The following EYA4 variants were observed in gnomAD, a reference collection of about 807,000 sequenced individuals.
The protein encoded by EYA4 is EYA transcriptional coactivator and phosphatase 4.
EYA4 carries 31 observed loss-of-function variants against 87.9 expected under a neutral mutation model. The observed-to-expected ratio is 0.35, with a 90% CI of 0.27 to 0.48. The LOEUF is 0.48. Among genes scored for constraint, EYA4 ranks in the 20% least tolerant of loss-of-function variants. The pLI, the probability that EYA4 is intolerant of heterozygous loss-of-function variation, is 0.99. For synonymous variants in EYA4, 263 were observed against 270.6 expected, an observed-to-expected ratio of 0.97 and a Z score of 0.28; for missense variants, 678 against 761.4, an observed-to-expected ratio of 0.89 and a Z score of 1.29.
intron 2 of EYA4, among the ~76,000 whole-genome samples, chr6:133,285,707 C>T (rs139471369): frequency 1.9e-3 from 290 of 152,256 alleles, no homozygotes; most frequent in Non-Finnish European, 3.4e-3. Context: ...TTTTAACTAT[C>T]CAGATGAAAA....
intron 2 of EYA4, among the ~76,000 whole-genome samples, chr6:133,355,953 GA>G (rs1562323490): frequency 6.6e-6 from 1 of 151,964 alleles, no homozygotes; most frequent in Non-Finnish European, 1.5e-5. Flanking sequence ...TGGAGATTGG[GA>G]AGCTCAAGAT....
intron 17 of EYA4, 99 bp from the exon 18 acceptor site, chr6:133,522,957 C>A: frequency 1.0e-6 from 1 of 1,004,778 alleles, no homozygotes; most frequent in Non-Finnish European, 1.5e-6. Context: ...TGAAAGGGAC[C>A]ATTAATTAAG....
At chr6:133,321,636 G>A (rs775902798) in intron 2 of EYA4, among the ~76,000 whole-genome samples, 5 of 152,084 alleles carry the variant, frequency 3.3e-5, no homozygotes, top group Admixed American at 6.6e-5. Flanking sequence ...TAAATTGGTC[G>A]ATCTTGTTCA....
intron 2 of EYA4, among the ~76,000 whole-genome samples, chr6:133,317,305 A>G (rs901262137): frequency 6.6e-6 from 1 of 152,222 alleles, no homozygotes; most frequent in African/African-American, 2.4e-5. Context: ...ATTTGAGAAC[A>G]TTGTCATAAT....
intron 3 of EYA4, among the ~76,000 whole-genome samples, chr6:133,419,329 T>C (rs955659101): frequency 6.6e-6 from 1 of 152,222 alleles, no homozygotes; most frequent in Non-Finnish European, 1.5e-5. Flanking sequence ...CCTTTGCAAG[T>C]CAATTGTGAT....
intron 1 of EYA4, among the ~76,000 whole-genome samples, chr6:133,272,669 G>A (rs959687711): frequency 3.9e-5 from 6 of 152,102 alleles, no homozygotes; most frequent in Admixed American, 3.9e-4. Context: ...TGGGGGCCTG[G>A]CAAAGGCTCC....
At chr6:133,497,227 C>T (rs958347919) in intron 13 of EYA4, among the ~76,000 whole-genome samples, 2 of 152,050 alleles carry the variant, frequency 1.3e-5, no homozygotes, top group Non-Finnish European at 2.9e-5. Context: ...TCTTTGGTCT[C>T]GTGTTCTTTC....
chr6:133,415,574 T>C (rs983532164), intron 3 of EYA4, among the ~76,000 whole-genome samples: 1 of 152,212 alleles, frequency 6.6e-6, no homozygotes, highest in Non-Finnish European at 1.5e-5. Flanking sequence ...GTGCCAATTA[T>C]ATTTAAATTG....
intron 3 of EYA4, among the ~76,000 whole-genome samples, chr6:133,390,986 A>G (rs1408496377): frequency 6.6e-6 from 1 of 152,148 alleles, no homozygotes; most frequent in Non-Finnish European, 1.5e-5. Context: ...CAAACAAACA[A>G]ACCAAAAAAC....
chr6:133,394,284 GTTTTTTTTTTTTT>G (rs869103311), intron 3 of EYA4, among the ~76,000 whole-genome samples: 1 of 17,874 alleles, frequency 5.6e-5, no homozygotes, highest in African/African-American at 1.5e-4. Flanking sequence ...ATAAGCTTGT[GTTTTTTTTTTTTT>G]TTTTTTTTTT....
intron 1 of EYA4, among the ~76,000 whole-genome samples, chr6:133,273,768 A>G (rs1776932311): frequency 6.6e-6 from 1 of 152,198 alleles, no homozygotes; most frequent in African/African-American, 2.4e-5. Context: ...ATAATTGAAC[A>G]TATTTCTGTA....
chr6:133,445,423 C>A (rs1355880833), intron 3 of EYA4, among the ~76,000 whole-genome samples: 2 of 152,028 alleles, frequency 1.3e-5, no homozygotes, highest in African/African-American at 2.4e-5. Flanking sequence ...TTTCTTTGAG[C>A]TGAAGGTCTT....
chr6:133,503,534 G>T (rs548076820), intron 13 of EYA4, among the ~76,000 whole-genome samples: 1 of 152,098 alleles, frequency 6.6e-6, no homozygotes, highest in South Asian at 2.1e-4. Context: ...TTATTGTCTT[G>T]CATCAGTGAA....
intron 11 of EYA4, among the ~76,000 whole-genome samples, chr6:133,478,610 A>T (rs147542928): frequency 6.6e-4 from 101 of 152,322 alleles, no homozygotes; most frequent in African/African-American, 2.3e-3. Flanking sequence ...TAAGGGGTGA[A>T]TAAATGTAGA....
chr6:133,374,029 A>C (rs1018318270), intron 2 of EYA4, among the ~76,000 whole-genome samples: 6 of 152,140 alleles, frequency 3.9e-5, no homozygotes, highest in Admixed American at 2.6e-4. Flanking sequence ...TAAATAATTC[A>C]TAAAGCCGAT....
chr6:133,248,828 C>T (rs546887091), intron 1 of EYA4: 9 of 151,484 alleles, frequency 5.9e-5, no homozygotes, highest in Non-Finnish European at 1.2e-4. Flanking sequence ...GCATGCAAAC[C>T]TCAATAAACC....
chr6:133,488,305 G>A (rs796517069), intron 13 of EYA4, among the ~76,000 whole-genome samples: 2 of 152,120 alleles, frequency 1.3e-5, no homozygotes, highest in African/African-American at 4.8e-5. Context: ...GCCAGGCTCT[G>A]TAGACCCACC....
In EYA4 at chr6:133,531,101, C is replaced by T; in HGVS notation, c.*2296C>T. On this transcript the variant is annotated 3_prime_UTR_variant, in exon 20 of 20. Transcript: ENST00000355286. ...AGCAAGGCTTTTTATGCTGCTAAGT[C>T]TGTGGGTGCAGAAAGAAACACCCCT... The T allele has an allele frequency of 6.7e-7, 1 of 1,481,962 alleles. No individual in the cohort carries two copies. 91.8% of individuals were successfully genotyped at this position (1,481,962 alleles called of 1,614,324 possible).
At chr6:133,463,072 A>G (rs150647875) in intron 9 of EYA4, among the ~76,000 whole-genome samples, 4 of 152,286 alleles carry the variant, frequency 2.6e-5, no homozygotes, top group African/African-American at 9.6e-5. Flanking sequence ...TACTTAAGCA[A>G]TTTAAAAGAT....
Sources: gnomAD v4.1 joint callset for allele counts (sites outside exome capture counted in the v4.1 genomes callset) on GRCh38, gnomAD v4.1.1 for gene constraint, MANE v1.5 for transcripts, NCBI Gene and HGNC (gene_info 2026-07-23, HGNC 2026-07-21) for gene names.